SLC6A3: variants seen among roughly 807,000 people sequenced by gnomAD.
SLC6A3 encodes solute carrier family 6 member 3, also known as sodium-dependent dopamine transporter.
In SLC6A3, 19 loss-of-function variants were observed where a neutral mutation model predicts 70.4. The observed-to-expected ratio is 0.27, with a 90% CI of 0.19 to 0.40. The LOEUF is 0.40. Among genes scored for constraint, SLC6A3 ranks in the 10% least tolerant of loss-of-function variants. The probability of loss-of-function intolerance (pLI) is 1.00; values close to 1 mark genes in which losing one functional copy is unlikely to be tolerated. For missense variants in SLC6A3, 613 were observed against 838.5 expected, an observed-to-expected ratio of 0.73 and a Z score of 3.32; for synonymous variants, 368 against 356.6, an observed-to-expected ratio of 1.03 and a Z score of -0.36.
intron 3 of SLC6A3, among the ~76,000 whole-genome samples, chr5:1,440,036 C>T (rs1451305097): frequency 2.0e-5 from 3 of 152,158 alleles, no homozygotes; most frequent in Non-Finnish European, 2.9e-5. Context: ...AGGCCACCTG[C>T]ACTCAACACG....
At chr5:1,410,017 C>T (rs1463932642) in intron 9 of SLC6A3, among the ~76,000 whole-genome samples, 168 bp from the exon 10 acceptor site, 2 of 152,180 alleles carry the variant, frequency 1.3e-5, no homozygotes, top group African/African-American at 4.8e-5. Context: ...CAGCTGTTGG[C>T]GAGGGCTTCT....
At chr5:1,430,595 G>C in intron 4 of SLC6A3, among the ~76,000 whole-genome samples, 1 of 152,222 alleles carries the variant, frequency 6.6e-6, no homozygotes, top group Admixed American at 6.5e-5. Context: ...CTCCATCTCA[G>C]CCATCTCTGA....
chr5:1,406,303 G>A lies in SLC6A3; in HGVS notation c.1499-15C>T, dbSNP rs1353440763. On this transcript the variant is annotated splice_polypyrimidine_tract_variant and intron_variant, in intron 11 of 14. Transcript: ENST00000270349. The surrounding 1 kb of genome is among the most constrained non-coding windows in gnomAD (Gnocchi z 8.8). Reference sequence around the variant, plus strand: ...CTGCCCAACACCTGAGGGAGAAGAGGTGGCATCAGTGTCCATCAGGGCAGC... The same window carrying A: ...CTGCCCAACACCTGAGGGAGAAGAGATGGCATCAGTGTCCATCAGGGCAGC... The A allele has an allele frequency of 6.2e-7, 1 of 1,603,970 alleles. No individual in the cohort carries two copies. Among genetic ancestry groups the A allele is most frequent in the African/African-American group, 1.3e-5 (1 of 74,724 alleles).
Position 1,432,460 on chromosome 5 carries a change from T to C in SLC6A3, c.653+4A>G. The C allele has an allele frequency of 6.2e-7, 1 of 1,611,110 alleles. No individual in the cohort carries two copies. The highest frequency in any genetic ancestry group is 8.5e-7 in the Non-Finnish European group (1 of 1,177,262). On this transcript the variant is annotated splice_donor_region_variant and intron_variant, in intron 4 of 14. Transcript: ENST00000270349. ...CCGTTCCCGAGGACCCGACTCCCAC[T>C]TACTCAAAGTACTCGGCAGCAGGTG...
rs28363162 is a variant in SLC6A3, at chr5:1,395,000, C to T, written c.1840-242G>A. On this transcript the variant is annotated intron_variant, in intron 14 of 14. Transcript: ENST00000270349. This position sits in a 1 kb window ranked among gnomAD's most constrained non-coding sequence, Gnocchi z 4.7. Reference sequence around the variant, plus strand: ...CATTACTTGATTTTTTAAAAAGCCGCGAGACTGTGGTTGGCGTGGTGGCCA... The same window carrying T: ...CATTACTTGATTTTTTAAAAAGCCGTGAGACTGTGGTTGGCGTGGTGGCCA... 1.7e-3 allele frequency among the ~76,000 whole-genome samples: 254 copies of T among 152,312 alleles called. 6 individuals carry two copies. Among genetic ancestry groups the T allele is most frequent in the Admixed American group, 0.012 (183 of 15,302 alleles).
Position 1,406,140 on chromosome 5 carries a change from G to A in SLC6A3, c.1599+48C>T, listed in dbSNP as rs748319038. The stretch of plus-strand genomic sequence containing the variant: ...GGACCTCGGGGCAGGTGCCAGAGTG[G>A]GGGCAGTGGGCAGACGGGGGAAGGG... On this transcript the variant is annotated intron_variant, in intron 12 of 14. Coordinates refer to ENST00000270349, the MANE Select transcript of SLC6A3 (RefSeq NM_001044.5). This position sits in a 1 kb window ranked among gnomAD's most constrained non-coding sequence, Gnocchi z 8.8. 1 of 1,382,996 alleles carries A rather than the reference G, an allele frequency of 7.2e-7. No homozygotes were observed. The highest frequency in any genetic ancestry group is 1.0e-6 in the Non-Finnish European group (1 of 970,020). 85.7% of individuals were successfully genotyped at this position (1,382,996 alleles called of 1,614,324 possible).
rs771827182 is a variant in SLC6A3, at chr5:1,437,722, G to A, written c.418+3637C>T. Among the ~76,000 whole-genome samples the A allele has an allele frequency of 1.3e-5, 2 of 152,220 alleles. No individual in the cohort carries two copies. The highest frequency in any genetic ancestry group is 4.8e-5 in the African/African-American group (2 of 41,450). Reference sequence around the variant, plus strand: ...CCCAGTTAGGAGCAGGGAGCAGCTCGCAGGTCTGCAGGAGGGGAAGGGCCA... The same window carrying A: ...CCCAGTTAGGAGCAGGGAGCAGCTCACAGGTCTGCAGGAGGGGAAGGGCCA... On this transcript the variant is annotated intron_variant, in intron 3 of 14. Coordinates refer to ENST00000270349, the MANE Select transcript of SLC6A3 (RefSeq NM_001044.5). This position sits in a 1 kb window ranked among gnomAD's most constrained non-coding sequence, Gnocchi z 4.8.
chr5:1,429,721 G>A (rs1469100068), intron 4 of SLC6A3, among the ~76,000 whole-genome samples: 1 of 152,192 alleles, frequency 6.6e-6, no homozygotes, highest in African/African-American at 2.4e-5. Flanking sequence ...TCTTGCCCTG[G>A]TGGCACCTCT....
chr5:1,409,961 A>T (rs1490447322), intron 9 of SLC6A3, 112 bp from the exon 10 acceptor site: 1 of 1,402,528 alleles, frequency 7.1e-7, no homozygotes, highest in Admixed American at 1.7e-5. Flanking sequence ...GACACGGAAC[A>T]GGGGCCACAT....
intron 7 of SLC6A3, among the ~76,000 whole-genome samples, chr5:1,415,675 A>C (rs1274824976): frequency 6.6e-6 from 1 of 152,136 alleles, no homozygotes; most frequent in Non-Finnish European, 1.5e-5. Flanking sequence ...CCTGCCAGTA[A>C]GTAACACGGG....
intron 4 of SLC6A3, among the ~76,000 whole-genome samples, chr5:1,427,335 T>G (rs747465846): frequency 1.3e-5 from 2 of 152,226 alleles, no homozygotes; most frequent in Non-Finnish European, 2.9e-5. Context: ...CACTTGAAGG[T>G]CAGTGTTGTA....
At chr5:1,424,945 G>A (rs1756544755) in intron 4 of SLC6A3, among the ~76,000 whole-genome samples, 1 of 152,252 alleles carries the variant, frequency 6.6e-6, no homozygotes, top group African/African-American at 2.4e-5. Context: ...GCAGGGGAAA[G>A]CTGTGCGTCT....
At chr5:1,400,004 G>C (rs575438434) in intron 14 of SLC6A3, among the ~76,000 whole-genome samples, 1 of 152,202 alleles carries the variant, frequency 6.6e-6, no homozygotes, top group Non-Finnish European at 1.5e-5. Flanking sequence ...GACTGTTTAC[G>C]AGAACCAGCC....
At chr5:1,423,186 T>C (rs401235) in intron 4 of SLC6A3, among the ~76,000 whole-genome samples, 29 of 59,366 alleles carry the variant, frequency 4.9e-4, no homozygotes, top group Middle Eastern at 0.012. Context: ...GGGTACCCAC[T>C]GCTGCCCAGT....
chr5:1,414,787 A>T lies in SLC6A3; in HGVS notation c.1060T>A (p.Ser354Thr). ...AAGCCGGAGGAGAAGCTCGTCAGGG[A>T]GTTGATGGAGGTGGTGACAATCGCG... ...RDAIVTTSIN[S>T]LTSFSSGFVV... Residue 354 changes from serine (S) to threonine (T), a missense_variant, in exon 8 of 15, where the codon TCC (serine) becomes ACC (threonine). Physicochemically the swap from Ser to Thr is moderately conservative, Grantham distance 58. This residue lies in a region of SLC6A3 where 348 missense variants were observed against 481.2 expected (regional missense o/e 0.72). Transcript: ENST00000270349. The T allele has an allele frequency of 6.2e-7, 1 of 1,612,834 alleles. No individual in the cohort carries two copies. Among genetic ancestry groups the T allele is most frequent in the Non-Finnish European group, 8.5e-7 (1 of 1,179,858 alleles).
rs374067917 is a variant in SLC6A3 at position 1,432,450 on chromosome 5, C to T, written c.653+14G>A. 258 of 1,601,416 alleles carry T rather than the reference C, an allele frequency of 1.6e-4. No individual in the cohort carries two copies. Among genetic ancestry groups the T allele is most frequent in the Non-Finnish European group, 2.1e-4 (246 of 1,168,788 alleles). Reference sequence around the variant, plus strand: ...GCCATCTCTCCCGTTCCCGAGGACCCGACTCCCACTTACTCAAAGTACTCG... The same window carrying T: ...GCCATCTCTCCCGTTCCCGAGGACCTGACTCCCACTTACTCAAAGTACTCG... On this transcript the variant is annotated intron_variant, in intron 4 of 14. Coordinates refer to ENST00000270349, the MANE Select transcript of SLC6A3 (RefSeq NM_001044.5).
intron 14 of SLC6A3, among the ~76,000 whole-genome samples, chr5:1,395,931 A>G (rs1397633470): frequency 1.3e-5 from 2 of 152,236 alleles, no homozygotes; most frequent in African/African-American, 4.8e-5. Context: ...AATAAAGACT[A>G]GAAACAGAAG....
chr5:1,401,285 T>A lies in SLC6A3; in HGVS notation c.1768-299A>T, dbSNP rs1287594452. On this transcript the variant is annotated intron_variant, in intron 13 of 14. Coordinates refer to ENST00000270349, the MANE Select transcript of SLC6A3 (RefSeq NM_001044.5). This position sits in a 1 kb window ranked among gnomAD's most constrained non-coding sequence, Gnocchi z 6.1. ...GCACTCGCTTGAAAATAAAACGTGG[T>A]CCTGGAGATGGCTCTTGAGTCTAAG... The A allele has an allele frequency of 6.5e-6, 4 of 611,484 alleles. No homozygotes were observed. The highest frequency in any genetic ancestry group is 6.1e-5 in the South Asian group (4 of 65,910). 37.9% of individuals were successfully genotyped at this position (611,484 alleles called of 1,614,324 possible). A position where few individuals can be genotyped will look rare whatever the true frequency, so the allele number is the denominator to read the frequency against.
At chr5:1,414,841 A>G (rs1756243432) in intron 7 of SLC6A3, 26 bp from the exon 8 acceptor site, 1 of 1,612,698 alleles carries the variant, frequency 6.2e-7, no homozygotes. Flanking sequence ...ACGCCGTCTC[A>G]GGAACCAGCT....
Sources: allele counts gnomAD v4.1 joint callset (sites outside exome capture counted in the v4.1 genomes callset), GRCh38; gene constraint gnomAD v4.1.1; regional missense constraint gnomAD v4.1.1; non-coding constraint Gnocchi (gnomAD v3.1); transcripts MANE v1.5; gene names NCBI Gene and HGNC (gene_info 2026-07-23, HGNC 2026-07-21).